Variants in PRDM16 observed in about 807,000 individuals in gnomAD.
The protein encoded by PRDM16 is PR/SET domain 16, also known as histone-lysine N-methyltransferase PRDM16.
Under a neutral mutation model 110.6 loss-of-function variants are expected in PRDM16, and 23 were observed. The observed-to-expected ratio is 0.21, with a 90% CI of 0.15 to 0.29. PRDM16 has a LOEUF of 0.29. Ranked by LOEUF, PRDM16 falls within the 10% of genes least tolerant of loss-of-function variation. The pLI is 1.00. For synonymous variants in PRDM16, 799 were observed against 781.8 expected, an observed-to-expected ratio of 1.02 and a Z score of -0.37; for missense variants, 1,615 against 1,794.3, an observed-to-expected ratio of 0.90 and a Z score of 1.81.
chr1:3,376,128 G>A (rs1642986306), intron 3 of PRDM16, among the ~76,000 whole-genome samples: 1 of 152,144 alleles, frequency 6.6e-6, no homozygotes, highest in Non-Finnish European at 1.5e-5. Flanking sequence ...CTCCATGTTT[G>A]CAGGGCATCT....
At chr1:3,269,777 A>G in intron 3 of PRDM16, among the ~76,000 whole-genome samples, 1 of 147,574 alleles carries the variant, frequency 6.8e-6, no homozygotes, top group African/African-American at 2.5e-5. Context: ...GGACAGTCCC[A>G]GAGGAGGAAA....
In PRDM16 at chr1:3,211,768, G is replaced by A. The variant is rs770593640; in HGVS notation, c.387+25294G>A. Among the ~76,000 whole-genome samples, 5 of 152,338 alleles carry A rather than the reference G, an allele frequency of 3.3e-5. No individual in the cohort carries two copies. In the East Asian group the frequency reaches 7.7e-4, roughly 24 times the overall value. On this transcript the variant is annotated intron_variant, in intron 2 of 16. Transcript: ENST00000270722. ...AATAAATGTGCACGGAACAGCACAC[G>A]GTGGCCCATGGCCTTGCAGCACGAG...
chr1:3,152,579 C>T (rs1412749204), intron 1 of PRDM16, among the ~76,000 whole-genome samples: 1 of 152,224 alleles, frequency 6.6e-6, no homozygotes, highest in Non-Finnish European at 1.5e-5. Flanking sequence ...TGGCACTGGT[C>T]TACGGTGCTG....
At chr1:3,115,409 G>A (rs548167174) in intron 1 of PRDM16, among the ~76,000 whole-genome samples, 61 of 152,370 alleles carry the variant, frequency 4.0e-4, no homozygotes, top group Middle Eastern at 3.4e-3. Flanking sequence ...CCAGCGGGAC[G>A]GGGAGATGAC....
intron 3 of PRDM16, among the ~76,000 whole-genome samples, chr1:3,259,869 A>G (rs1569943636): frequency 1.3e-5 from 2 of 152,072 alleles, no homozygotes; most frequent in African/African-American, 4.8e-5. Flanking sequence ...TCGTTAGTGC[A>G]GCAGGTGCCG....
intron 1 of PRDM16, among the ~76,000 whole-genome samples, chr1:3,101,448 C>T (rs1267942661): frequency 6.6e-6 from 1 of 152,264 alleles, no homozygotes; most frequent in African/African-American, 2.4e-5. Flanking sequence ...GAATGGGCAG[C>T]CGCACCACCA....
At chr1:3,285,704 A>G (rs1640830003) in intron 3 of PRDM16, among the ~76,000 whole-genome samples, 1 of 152,188 alleles carries the variant, frequency 6.6e-6, no homozygotes, top group Admixed American at 6.5e-5. Context: ...TCCCCCTGGA[A>G]ATGGCTAGAT....
chr1:3,356,614 T>C (rs1476121453), intron 3 of PRDM16, among the ~76,000 whole-genome samples: 1 of 152,164 alleles, frequency 6.6e-6, no homozygotes, highest in Non-Finnish European at 1.5e-5. Context: ...CTGGACGCTG[T>C]TCTAAGGAGC....
rs540443926 is a variant in PRDM16 at position 3,324,031 on chromosome 1, C to T, written c.439-61121C>T. On this transcript the variant is annotated intron_variant, in intron 3 of 16. Coordinates refer to ENST00000270722, the MANE Select transcript of PRDM16 (RefSeq NM_022114.4). Reference sequence around the variant, plus strand: ...TGCAGGGGTGGGGGCTGCCACCCTCCCTCCGTCTGGGTTGGGAGGAGGATC... The same window carrying T: ...TGCAGGGGTGGGGGCTGCCACCCTCTCTCCGTCTGGGTTGGGAGGAGGATC... 2.0e-3 allele frequency among the ~76,000 whole-genome samples: 305 copies of T among 152,308 alleles called. 2 individuals carry two copies. Among genetic ancestry groups the T allele is most frequent in the Non-Finnish European group, 2.2e-3 (151 of 68,014 alleles).
chr1:3,221,560 A>G (rs535698100), intron 2 of PRDM16, among the ~76,000 whole-genome samples: 1 of 152,232 alleles, frequency 6.6e-6, no homozygotes, highest in African/African-American at 2.4e-5. Context: ...GTCACAGAGA[A>G]GTCTGGCTTC....
intron 1 of PRDM16, among the ~76,000 whole-genome samples, chr1:3,110,895 C>T (rs1023989952): frequency 2.6e-5 from 4 of 152,116 alleles, no homozygotes; most frequent in African/African-American, 7.2e-5. Context: ...GAGTCCTTGC[C>T]GCCTGATGCC....
At position 3,185,997 on chromosome 1, in the gene PRDM16, C is replaced by A. The variant is rs890589499; in HGVS notation, c.38-128C>A. The A allele has an allele frequency of 5.0e-5, 37 of 741,216 alleles. No homozygotes were observed. The Admixed American group carries it at 8.2e-4, about 16-fold the overall frequency. 45.9% of individuals were successfully genotyped at this position (741,216 alleles called of 1,614,324 possible). On this transcript the variant is annotated intron_variant, in intron 1 of 16. Transcript: ENST00000270722. The stretch of plus-strand genomic sequence containing the variant: ...GGCAGCGTCTCCCGGGCAGGGGTGG[C>A]AGCCGGGCCTTCTGGGCCCCTGAGC...
At chr1:3,271,198 A>G (rs1028622398) in intron 3 of PRDM16, among the ~76,000 whole-genome samples, 1 of 152,236 alleles carries the variant, frequency 6.6e-6, no homozygotes, top group African/African-American at 2.4e-5. Flanking sequence ...TGAAAGCCCC[A>G]GTCCTCTTAT....
intron 2 of PRDM16, among the ~76,000 whole-genome samples, chr1:3,230,922 G>A (rs1639393613): frequency 6.6e-6 from 1 of 152,156 alleles, no homozygotes; most frequent in Non-Finnish European, 1.5e-5. Context: ...AGCAGGGACA[G>A]ATGAGCCACC....
chr1:3,414,097 C>A (rs1274323911), intron 9 of PRDM16, among the ~76,000 whole-genome samples: 2 of 152,210 alleles, frequency 1.3e-5, no homozygotes, highest in Non-Finnish European at 2.9e-5. Flanking sequence ...GTGTGAGCCA[C>A]GCTCTGCTGT....
intron 1 of PRDM16, among the ~76,000 whole-genome samples, chr1:3,098,014 C>T (rs1019568341): frequency 2.6e-5 from 4 of 152,176 alleles, no homozygotes; most frequent in African/African-American, 9.7e-5. Context: ...CAATGGTGCT[C>T]CTCCAGCAGG....
At chr1:3,087,681 C>G (rs1304766930) in intron 1 of PRDM16, among the ~76,000 whole-genome samples, 1 of 152,208 alleles carries the variant, frequency 6.6e-6, no homozygotes, top group Non-Finnish European at 1.5e-5. Context: ...TCCAGATGAT[C>G]AATCCAGGGA....
chr1:3,396,074 C>T (rs1364639616), intron 4 of PRDM16, among the ~76,000 whole-genome samples: 4 of 152,212 alleles, frequency 2.6e-5, no homozygotes, highest in Non-Finnish European at 5.9e-5. Context: ...ACCAGATTCA[C>T]TCCACACCCT....
Position 3,412,027 on chromosome 1 carries a change from C to T in PRDM16, c.1830C>T (p.Thr610=). The part of the protein sequence containing the change: ...DGSDFEDVNT[T]TGTDLDTTTG... ...GTGACTTTGAGGACGTCAACACCAC[C>T]ACGGGGACCGACCTGGACACGACCA... The change falls in exon 9 of 17, where the codon ACC becomes ACT. Residue 610 remains threonine, a synonymous_variant. Transcript: ENST00000270722. 6.2e-7 allele frequency: 1 copy of T among 1,613,246 alleles called. No homozygotes were observed. The highest frequency in any genetic ancestry group is 8.5e-7 in the Non-Finnish European group (1 of 1,179,752).
Sources: allele counts gnomAD v4.1 joint callset (sites outside exome capture counted in the v4.1 genomes callset), GRCh38; gene constraint gnomAD v4.1.1; transcripts MANE v1.5; gene names NCBI Gene and HGNC (gene_info 2026-07-23, HGNC 2026-07-21).